AGBL4: variants seen among roughly 807,000 people sequenced by gnomAD.
AGBL4 encodes cytosolic carboxypeptidase 6.
A neutral mutation model predicts 66.4 loss-of-function variants in AGBL4; 58 were observed. The observed-to-expected ratio is 0.87, with a 90% CI of 0.71 to 1.09. AGBL4 has a LOEUF of 1.09. Ranked by LOEUF, AGBL4 falls within the 50% of genes least tolerant of loss-of-function variation. The pLI is 0.00. For synonymous variants in AGBL4, 234 were observed against 222.9 expected (o/e 1.05, Z -0.44); for missense variants, 579 against 631.0 (o/e 0.92, Z 0.88).
At chr1:48,590,214 G>A (rs1470163912) in intron 10 of AGBL4, among the ~76,000 whole-genome samples, 1 of 152,142 alleles carries the variant, frequency 6.6e-6, no homozygotes, top group Non-Finnish European at 1.5e-5. Context: ...AGAGCAGCCA[G>A]ACCAACATGG....
intron 2 of AGBL4, among the ~76,000 whole-genome samples, chr1:49,795,485 T>A (rs1644707538): frequency 6.6e-6 from 1 of 152,032 alleles, no homozygotes; most frequent in Non-Finnish European, 1.5e-5. Context: ...AAATCACTGG[T>A]GTCCTGTGTA....
chr1:49,940,868 G>GA (rs1654687703), intron 1 of AGBL4, among the ~76,000 whole-genome samples: 1 of 151,798 alleles, frequency 6.6e-6, no homozygotes, highest in African/African-American at 2.4e-5. Context: ...AAAAAAAATA[G>GA]AAAAGATTCA....
At chr1:49,824,352 T>A (rs1645452037) in intron 2 of AGBL4, among the ~76,000 whole-genome samples, 1 of 152,196 alleles carries the variant, frequency 6.6e-6, no homozygotes, top group African/African-American at 2.4e-5. Flanking sequence ...ACAAGCAACC[T>A]CTGTCCAAGG....
At chr1:49,613,257 G>T (rs1201820166) in intron 3 of AGBL4, among the ~76,000 whole-genome samples, 1 of 151,750 alleles carries the variant, frequency 6.6e-6, no homozygotes, top group African/African-American at 2.4e-5. Flanking sequence ...TGGGGTAAGG[G>T]CTGAAAACTA....
rs140536169 is a variant in AGBL4 at position 49,978,370 on chromosome 1, GA to G, written c.34+45392del. ...GAGGCCAGAGAATCACTTGGGCCCA[GA>G]AGTTGAAGACTGCAGTGAGCTCTGA... On this transcript the variant is annotated intron_variant, in intron 1 of 13. Transcript: ENST00000371839. Among the ~76,000 whole-genome samples, 1,277 of 152,288 alleles carry G rather than the reference GA, an allele frequency of 8.4e-3. 13 individuals are homozygous for G. Among genetic ancestry groups the G allele is most frequent in the African/African-American group, 0.029 (1,223 of 41,546 alleles).
chr1:49,051,628 G>GC (rs944671501), intron 4 of AGBL4, among the ~76,000 whole-genome samples: 1 of 152,084 alleles, frequency 6.6e-6, no homozygotes, highest in Non-Finnish European at 1.5e-5. Flanking sequence ...TGAGCCATTT[G>GC]CCCCCCTCCT....
chr1:48,769,193 A>T (rs1192552109), intron 6 of AGBL4, among the ~76,000 whole-genome samples: 1 of 152,222 alleles, frequency 6.6e-6, no homozygotes, highest in East Asian at 1.9e-4. Flanking sequence ...GGGTAACAGT[A>T]GATGAGCTAG....
intron 3 of AGBL4, among the ~76,000 whole-genome samples, chr1:49,539,877 C>T (rs1651874918): frequency 1.3e-5 from 2 of 152,068 alleles, no homozygotes; most frequent in Non-Finnish European, 2.9e-5. Flanking sequence ...GTGTGAAAAG[C>T]AGCATGAGCA....
chr1:49,911,071 T>A (rs1254584490), intron 1 of AGBL4, among the ~76,000 whole-genome samples: 1 of 152,172 alleles, frequency 6.6e-6, no homozygotes, highest in Non-Finnish European at 1.5e-5. Context: ...GAAGGGAGGT[T>A]CAGAGTTGAG....
At chr1:49,780,390 A>C (rs1306150458) in intron 2 of AGBL4, among the ~76,000 whole-genome samples, 1 of 152,182 alleles carries the variant, frequency 6.6e-6, no homozygotes, top group Non-Finnish European at 1.5e-5. Context: ...ATGTTTGATG[A>C]TAACTCAAAT....
In AGBL4 at chr1:49,329,533, G is replaced by T. The variant is rs527343335; in HGVS notation, c.283-83669C>A. 9.9e-5 allele frequency among the ~76,000 whole-genome samples: 15 copies of T among 152,092 alleles called. No individual in the cohort carries two copies. The South Asian group carries it at 1.2e-3, about 13-fold the overall frequency. On this transcript the variant is annotated intron_variant, in intron 3 of 13. Transcript: ENST00000371839. ...ATACAAAAATTAGCCGGACGGGGTG[G>T]TACACACCTGTGGTCCCAGCTACTC... is the stretch of plus-strand genomic sequence containing the variant.
Position 49,068,312 on chromosome 1 carries a change from T to C in AGBL4, c.378-22512A>G, listed in dbSNP as rs570797914. Among the ~76,000 whole-genome samples the C allele has an allele frequency of 1.1e-3, 174 of 151,852 alleles. 1 individual carries two copies. The highest frequency in any genetic ancestry group is 4.0e-3 in the African/African-American group (167 of 41,388). On this transcript the variant is annotated intron_variant, in intron 4 of 13. Transcript: ENST00000371839. ...TTGTTACATAGGTATACATGTGCCATGTTAGTTTGCTGCACCCATCAACTC... is the reference window on the plus strand; with the variant it reads ...TTGTTACATAGGTATACATGTGCCACGTTAGTTTGCTGCACCCATCAACTC...
At chr1:49,735,311 GT>G (rs1649790805) in intron 2 of AGBL4, among the ~76,000 whole-genome samples, 2 of 150,788 alleles carry the variant, frequency 1.3e-5, no homozygotes, top group Non-Finnish European at 3.0e-5. Context: ...GTGTGTGTGT[GT>G]GTGTGTGTGT....
intron 9 of AGBL4, among the ~76,000 whole-genome samples, chr1:48,592,141 C>A (rs1644927888): frequency 6.6e-6 from 1 of 152,190 alleles, no homozygotes; most frequent in Non-Finnish European, 1.5e-5. Flanking sequence ...GGGGAGGGGA[C>A]TTGACCAAGC....
chr1:49,744,066 A>G (rs867908771), intron 2 of AGBL4, among the ~76,000 whole-genome samples: 105 of 152,056 alleles, frequency 6.9e-4, no homozygotes, highest in African/African-American at 2.3e-3. Context: ...AAAAAAAAAG[A>G]TAGTCTTAGA....
At chr1:49,747,619 CAG>C (rs1203271505) in intron 2 of AGBL4, among the ~76,000 whole-genome samples, 3 of 152,082 alleles carry the variant, frequency 2.0e-5, no homozygotes, top group Admixed American at 2.0e-4. Context: ...GTCAACTAAT[CAG>C]AGATCTTCTA....
intron 4 of AGBL4, among the ~76,000 whole-genome samples, chr1:49,132,898 G>A (rs568815457): frequency 2.1e-4 from 32 of 152,178 alleles, no homozygotes; most frequent in East Asian, 1.2e-3. Flanking sequence ...GGAATATACC[G>A]AAAGGATTAT....
At chr1:49,649,488 G>C (rs559651359) in intron 3 of AGBL4, among the ~76,000 whole-genome samples, 1 of 152,220 alleles carries the variant, frequency 6.6e-6, no homozygotes, top group South Asian at 2.1e-4. Flanking sequence ...TTCTAGAACT[G>C]CAAGTAGAAA....
intron 1 of AGBL4, among the ~76,000 whole-genome samples, chr1:49,888,058 A>G (rs1282837004): frequency 1.3e-5 from 2 of 152,180 alleles, no homozygotes; most frequent in Admixed American, 6.5e-5. Flanking sequence ...GAGGCTAGCC[A>G]TAAGCATAGA....
Sources: allele counts gnomAD v4.1 joint callset (sites outside exome capture counted in the v4.1 genomes callset), GRCh38; gene constraint gnomAD v4.1.1; transcripts MANE v1.5; gene names NCBI Gene and HGNC (gene_info 2026-07-23, HGNC 2026-07-21).